Variants in CNTN4 observed in about 807,000 individuals in gnomAD.
CNTN4 encodes the protein contactin 4.
A neutral mutation model predicts 122.5 loss-of-function variants in CNTN4; 77 were observed. That is an observed-to-expected ratio of 0.63 (90% CI 0.52 to 0.76). The LOEUF (loss-of-function observed/expected upper bound fraction) is 0.76. Ranked by LOEUF, CNTN4 falls within the 30% of genes least tolerant of loss-of-function variation. The pLI is 0.00. For missense variants in CNTN4, 1,256 were observed against 1,259.1 expected, an observed-to-expected ratio of 1.00 and a Z score of 0.04; for synonymous variants, 512 against 447.0, an observed-to-expected ratio of 1.15 and a Z score of -1.83.
At chr3:2,817,444 A>C (rs974882183) in intron 6 of CNTN4, among the ~76,000 whole-genome samples, 8 of 152,222 alleles carry the variant, frequency 5.3e-5, no homozygotes, top group African/African-American at 1.9e-4. Context: ...ATTAATGACT[A>C]ATAAACGTTT....
chr3:2,654,752 A>G (rs900690284), intron 4 of CNTN4, among the ~76,000 whole-genome samples: 1 of 152,148 alleles, frequency 6.6e-6, no homozygotes, highest in African/African-American at 2.4e-5. Context: ...TTCTTACCCT[A>G]GCAAATACAG....
intron 11 of CNTN4, among the ~76,000 whole-genome samples, chr3:2,901,743 G>A (rs532351402): frequency 6.6e-6 from 1 of 152,340 alleles, no homozygotes; most frequent in South Asian, 2.1e-4. Flanking sequence ...GAGAATGGGA[G>A]ATCAGTCTCA....
rs1387068950 is a variant in CNTN4, at chr3:2,988,394, T to G, written c.1408T>G (p.Ser470Ala). The G allele has an allele frequency of 5.6e-6, 9 of 1,613,608 alleles. No individual in the cohort carries two copies. The highest frequency in any genetic ancestry group is 7.6e-6 in the Non-Finnish European group (9 of 1,179,740). ...CCTCAGAATCATCAACGTTACTAAA[T>G]CAGACGCTGGGAGTTATACCTGTAT... The part of the protein sequence containing the change: ...GNLRIINVTK[S>A]DAGSYTCIAT... Residue 470 changes from serine to alanine, a missense_variant, in exon 14 of 25, where the codon TCA (serine) becomes GCA (alanine). Ser to Ala is a moderately conservative substitution (Grantham distance 99, BLOSUM62 1). Transcript: ENST00000418658.
At chr3:2,570,856 G>C (rs974462596) in intron 3 of CNTN4, among the ~76,000 whole-genome samples, 1 of 152,116 alleles carries the variant, frequency 6.6e-6, no homozygotes, top group African/African-American at 2.4e-5. Context: ...ATAGCTGTTT[G>C]GATTTCTCTC....
chr3:2,310,575 GT>G (rs1355829199), intron 2 of CNTN4, among the ~76,000 whole-genome samples: 1 of 152,002 alleles, frequency 6.6e-6, no homozygotes, highest in African/African-American at 2.4e-5. Flanking sequence ...CTTATTTTTA[GT>G]TTTATGCCAT....
chr3:2,155,595 G>A (rs1448228075), intron 2 of CNTN4, among the ~76,000 whole-genome samples: 1 of 152,164 alleles, frequency 6.6e-6, no homozygotes, highest in East Asian at 1.9e-4. Context: ...CAGCTATGTC[G>A]CCAGTGGGCA....
chr3:2,118,053 T>C (rs2033482839), intron 2 of CNTN4, among the ~76,000 whole-genome samples: 1 of 152,240 alleles, frequency 6.6e-6, no homozygotes, highest in Admixed American at 6.5e-5. Context: ...TCTAAGTGAA[T>C]TTTAATCATA....
chr3:2,201,983 A>G (rs58412404), intron 2 of CNTN4, among the ~76,000 whole-genome samples: 4 of 152,182 alleles, frequency 2.6e-5, no homozygotes, highest in African/African-American at 4.8e-5. Flanking sequence ...TATATTAAAA[A>G]GGCTTAAATC....
At chr3:2,838,895 A>G (rs2093290701) in intron 7 of CNTN4, among the ~76,000 whole-genome samples, 1 of 152,220 alleles carries the variant, frequency 6.6e-6, no homozygotes, top group Non-Finnish European at 1.5e-5. Context: ...ATGTGCCACT[A>G]GGCCTGTCAT....
At chr3:2,713,295 G>C (rs535476034) in intron 4 of CNTN4, among the ~76,000 whole-genome samples, 1 of 152,188 alleles carries the variant, frequency 6.6e-6, no homozygotes, top group Admixed American at 6.5e-5. Flanking sequence ...CACACATTTG[G>C]TCACAGAAGT....
chr3:2,250,473 A>G (rs1314028575), intron 2 of CNTN4, among the ~76,000 whole-genome samples: 1 of 151,908 alleles, frequency 6.6e-6, no homozygotes, highest in Non-Finnish European at 1.5e-5. Context: ...TAATAATAGC[A>G]TTTCTATAGC....
At chr3:2,783,371 A>G (rs1362247460) in intron 6 of CNTN4, among the ~76,000 whole-genome samples, 2 of 152,208 alleles carry the variant, frequency 1.3e-5, no homozygotes, top group African/African-American at 2.4e-5. Flanking sequence ...AGTTAGCTGC[A>G]GTCTGAATGC....
At chr3:2,861,412 A>T (rs892132849) in intron 7 of CNTN4, among the ~76,000 whole-genome samples, 1 of 152,218 alleles carries the variant, frequency 6.6e-6, no homozygotes, top group African/African-American at 2.4e-5. Context: ...AAAGGAACCA[A>T]TGAATACATT....
intron 2 of CNTN4, among the ~76,000 whole-genome samples, chr3:2,265,252 T>C (rs544663117): frequency 3.3e-4 from 50 of 152,248 alleles, no homozygotes; most frequent in Non-Finnish European, 2.9e-4. Flanking sequence ...CTTTATCCAC[T>C]TATTGATTGA....
chr3:2,781,785 C>CT (rs1559497135), intron 6 of CNTN4, among the ~76,000 whole-genome samples: 6 of 126,606 alleles, frequency 4.7e-5, no homozygotes, highest in Admixed American at 8.7e-5. Flanking sequence ...AGGGCAGTAG[C>CT]GCGATCTCTG....
At chr3:2,977,734 T>C (rs1693562566) in intron 13 of CNTN4, among the ~76,000 whole-genome samples, 1 of 152,168 alleles carries the variant, frequency 6.6e-6, no homozygotes, top group African/African-American at 2.4e-5. Context: ...ATACCCGTTA[T>C]GGGTTAAACA....
chr3:3,024,384 TAAAAAAAAAA>T (rs55892513), intron 14 of CNTN4, among the ~76,000 whole-genome samples: 954 of 90,274 alleles, frequency 0.011, 28 homozygotes, highest in African/African-American at 0.038. Context: ...TTTTCCTCAT[TAAAAAAAAAA>T]AAAAAAAAAA....
chr3:2,626,509 A>G (rs187425390), intron 4 of CNTN4, among the ~76,000 whole-genome samples: 2 of 151,574 alleles, frequency 1.3e-5, no homozygotes, highest in Admixed American at 1.3e-4. Context: ...AAAAAAAACA[A>G]CAAAAAACAA....
At chr3:2,514,702 G>C (rs1292257407) in intron 3 of CNTN4, among the ~76,000 whole-genome samples, 2 of 152,072 alleles carry the variant, frequency 1.3e-5, no homozygotes, top group Admixed American at 6.6e-5. Context: ...GTAAAATGAA[G>C]TATGATTTCT....
Sources: gnomAD v4.1 joint callset for allele counts (sites outside exome capture counted in the v4.1 genomes callset) on GRCh38, gnomAD v4.1.1 for gene constraint, MANE v1.5 for transcripts, NCBI Gene and HGNC (gene_info 2026-07-23, HGNC 2026-07-21) for gene names.